The following CSMD1 variants were observed in gnomAD, a reference collection of about 807,000 sequenced individuals.
The protein encoded by CSMD1 is CUB and Sushi multiple domains 1.
A neutral mutation model predicts 417.5 loss-of-function variants in CSMD1; 213 were observed. The ratio of observed to expected loss-of-function variants is 0.51; its 90% CI spans 0.46 to 0.57. The LOEUF is 0.57. Ranked by LOEUF, CSMD1 falls within the 20% of genes least tolerant of loss-of-function variation. CSMD1 has a pLI of 0.00. For missense variants in CSMD1, 6,923 were observed against 4,529.7 expected (o/e 1.53, Z -15.17); for synonymous variants, 2,862 against 1,736.8 (o/e 1.65, Z -16.11).
intron 5 of CSMD1, among the ~76,000 whole-genome samples, chr8:3,967,555 T>A (rs1812766252): frequency 6.6e-6 from 1 of 152,168 alleles, no homozygotes; most frequent in Non-Finnish European, 1.5e-5. Flanking sequence ...ATGAGTGAGT[T>A]CAGCAAATAT....
intron 3 of CSMD1, among the ~76,000 whole-genome samples, chr8:4,372,585 C>G (rs914439172): frequency 3.3e-5 from 5 of 150,188 alleles, no homozygotes; most frequent in African/African-American, 9.8e-5. Context: ...TTGAGGTACA[C>G]TTAAAACAAG....
At chr8:3,454,710 G>A (rs527461255) in intron 12 of CSMD1, among the ~76,000 whole-genome samples, 30 of 152,304 alleles carry the variant, frequency 2.0e-4, no homozygotes, top group African/African-American at 7.0e-4. Context: ...TTCCCCTTGT[G>A]GGTAACCCGA....
At chr8:4,683,142 C>T (rs948129202) in intron 1 of CSMD1, among the ~76,000 whole-genome samples, 1 of 151,580 alleles carries the variant, frequency 6.6e-6, no homozygotes, top group South Asian at 2.1e-4. Context: ...TTAGTATGGT[C>T]AGTTCTGATC....
intron 1 of CSMD1, among the ~76,000 whole-genome samples, chr8:4,651,911 G>A (rs1803921399): frequency 6.6e-6 from 1 of 152,168 alleles, no homozygotes; most frequent in South Asian, 2.1e-4. Context: ...TATCTTTCAT[G>A]TGCTAGTATG....
At chr8:3,879,836 C>A (rs112222575) in intron 5 of CSMD1, among the ~76,000 whole-genome samples, 1 of 150,530 alleles carries the variant, frequency 6.6e-6, no homozygotes, top group South Asian at 2.1e-4. Context: ...TGTGCGTGTG[C>A]GTGTGTGTGT....
intron 3 of CSMD1, among the ~76,000 whole-genome samples, chr8:4,094,015 GA>G (rs1207907693): frequency 1.6e-5 from 2 of 126,678 alleles, no homozygotes; most frequent in Non-Finnish European, 3.5e-5. Flanking sequence ...GATAGATAAA[GA>G]AAAAAGACAA....
intron 29 of CSMD1, among the ~76,000 whole-genome samples, chr8:3,218,904 G>C (rs890150842): frequency 3.3e-5 from 5 of 152,054 alleles, no homozygotes; most frequent in African/African-American, 1.2e-4. Flanking sequence ...TTATTTTCAT[G>C]TACTTACATT....
At chr8:3,745,968 T>C (rs183648435) in intron 6 of CSMD1, among the ~76,000 whole-genome samples, 2 of 152,338 alleles carry the variant, frequency 1.3e-5, no homozygotes, top group East Asian at 1.9e-4. Flanking sequence ...AGTTGGTCAA[T>C]GTAAATGCTG....
At chr8:4,049,777 G>A (rs1421539829) in intron 3 of CSMD1, among the ~76,000 whole-genome samples, 1 of 152,072 alleles carries the variant, frequency 6.6e-6, no homozygotes, top group Non-Finnish European at 1.5e-5. Context: ...GCCACAGCCC[G>A]TTTTCCTTAC....
At chr8:3,739,205 C>T (rs1443731280) in intron 6 of CSMD1, among the ~76,000 whole-genome samples, 1 of 152,122 alleles carries the variant, frequency 6.6e-6, no homozygotes, top group Admixed American at 6.5e-5. Context: ...AATGCAATCC[C>T]CACTCCTGTC....
chr8:4,805,064 G>T (rs1057040662), intron 1 of CSMD1, among the ~76,000 whole-genome samples: 1 of 152,126 alleles, frequency 6.6e-6, no homozygotes, highest in Non-Finnish European at 1.5e-5. Context: ...CTCCAATTTG[G>T]AGTTTCAAGT....
intron 54 of CSMD1, among the ~76,000 whole-genome samples, chr8:2,992,896 C>A (rs76351173): frequency 7.9e-5 from 12 of 151,778 alleles, no homozygotes; most frequent in Admixed American, 1.3e-4. Context: ...TACCTACCAT[C>A]GCAGCTGGCT....
intron 7 of CSMD1, among the ~76,000 whole-genome samples, chr8:3,687,616 G>A (rs1367532204): frequency 6.6e-6 from 1 of 152,108 alleles, no homozygotes; most frequent in Non-Finnish European, 1.5e-5. Flanking sequence ...AGATTTCAGT[G>A]GGTTCCGAGC....
rs75241520 is a variant in CSMD1, at chr8:4,364,983, C to G, written c.415+54970G>C. Among the ~76,000 whole-genome samples, 1,396 of 151,998 alleles carry G rather than the reference C, an allele frequency of 9.2e-3. 20 individuals are homozygous for G. The highest frequency in any genetic ancestry group is 0.031 in the African/African-American group (1,297 of 41,520). ...GGATTTAATATGTTTAAATTTTACT[C>G]GAAAACATTTATATTCTAATGGAAC... On this transcript the variant is annotated intron_variant, in intron 3 of 69. Coordinates refer to ENST00000635120, the MANE Select transcript of CSMD1 (RefSeq NM_033225.6).
chr8:4,061,284 G>A (rs1052911878), intron 3 of CSMD1, among the ~76,000 whole-genome samples: 1 of 152,136 alleles, frequency 6.6e-6, no homozygotes, highest in South Asian at 2.1e-4. Context: ...ACTTCACAGA[G>A]AGGTACATCT....
At chr8:4,927,063 G>C (rs921979746) in intron 1 of CSMD1, among the ~76,000 whole-genome samples, 2 of 149,688 alleles carry the variant, frequency 1.3e-5, no homozygotes, top group African/African-American at 2.5e-5. Flanking sequence ...GAAAAAAATA[G>C]GGCTGTGTTA....
intron 12 of CSMD1, among the ~76,000 whole-genome samples, chr8:3,443,033 T>C (rs1484728622): frequency 1.3e-5 from 2 of 152,190 alleles, no homozygotes; most frequent in African/African-American, 4.8e-5. Context: ...AAAATGATAA[T>C]TACAATGAAT....
intron 3 of CSMD1, among the ~76,000 whole-genome samples, chr8:4,396,690 G>T (rs574804292): frequency 2.6e-5 from 4 of 151,704 alleles, no homozygotes; most frequent in African/African-American, 7.3e-5. Flanking sequence ...ATGGAATACC[G>T]ATCAGCCATA....
At position 4,399,796 on chromosome 8, in the gene CSMD1, T is replaced by A. The variant is rs78611172; in HGVS notation, c.415+20157A>T. 3.1e-3 allele frequency among the ~76,000 whole-genome samples: 479 copies of A among 152,342 alleles called. 17 individuals are homozygous for A. The East Asian group carries it at 0.078, about 25-fold the overall frequency. On this transcript the variant is annotated intron_variant, in intron 3 of 69. Transcript: ENST00000635120. ...TGTGAGTCTATTTCTAAAAGATGCA[T>A]CTGCTTTTAGGAAGCTATTAAAATA...
Sources: allele counts gnomAD v4.1 joint callset (sites outside exome capture counted in the v4.1 genomes callset), GRCh38; gene constraint gnomAD v4.1.1; transcripts MANE v1.5; gene names NCBI Gene and HGNC (gene_info 2026-07-23, HGNC 2026-07-21).